Variants in DLG2 observed in about 807,000 individuals in gnomAD.
The protein encoded by DLG2 is discs large MAGUK scaffold protein 2.
A neutral mutation model predicts 132.5 loss-of-function variants in DLG2; 45 were observed. That is an observed-to-expected ratio of 0.34 (90% CI 0.27 to 0.44). The LOEUF (loss-of-function observed/expected upper bound fraction) is 0.44. Among genes scored for constraint, DLG2 ranks in the 20% least tolerant of loss-of-function variants. The pLI, the probability that DLG2 is intolerant of heterozygous loss-of-function variation, is 1.00. For synonymous variants in DLG2, 424 were observed against 419.6 expected, an observed-to-expected ratio of 1.01 and a Z score of -0.13; for missense variants, 1,045 against 1,196.9, an observed-to-expected ratio of 0.87 and a Z score of 1.87.
At chr11:85,162,279 G>A (rs1594958885) in intron 4 of DLG2, among the ~76,000 whole-genome samples, 2 of 152,152 alleles carry the variant, frequency 1.3e-5, no homozygotes, top group African/African-American at 4.8e-5. Flanking sequence ...TGTGATTAAG[G>A]TCAATGGGAA....
Position 85,450,022 on chromosome 11 carries a change from G to A in DLG2, c.40+148635C>T, listed in dbSNP as rs2092175533. ...CATGCCTGTAATCCCAGCTACTTGG[G>A]AGGCTGAGAAAGGAGAATCGCTTGA... On this transcript the variant is annotated intron_variant, in intron 3 of 27. Coordinates refer to ENST00000376104, the MANE Select transcript of DLG2 (RefSeq NM_001142699.3). Among the ~76,000 whole-genome samples, 3 of 152,082 alleles carry A rather than the reference G, an allele frequency of 2.0e-5. No homozygotes were observed. In the South Asian group the frequency reaches 6.2e-4, roughly 31 times the overall value.
At chr11:85,106,512 T>C (rs2071783850) in intron 6 of DLG2, among the ~76,000 whole-genome samples, 1 of 151,958 alleles carries the variant, frequency 6.6e-6, no homozygotes, top group Non-Finnish European at 1.5e-5. Context: ...GATTTACTAT[T>C]GGGTTATTGT....
chr11:85,339,001 T>A (rs1021436917), intron 3 of DLG2, among the ~76,000 whole-genome samples: 1 of 152,186 alleles, frequency 6.6e-6, no homozygotes, highest in African/African-American at 2.4e-5. Flanking sequence ...CATGTGTAAT[T>A]AATTTATCTG....
chr11:84,472,024 C>G (rs367741225), intron 7 of DLG2, among the ~76,000 whole-genome samples: 1 of 151,734 alleles, frequency 6.6e-6, no homozygotes, highest in African/African-American at 2.4e-5. Context: ...ATGACATTAC[C>G]CAAATTCCGG....
At chr11:84,139,370 G>A (rs2154235232) in intron 9 of DLG2, among the ~76,000 whole-genome samples, 1 of 152,184 alleles carries the variant, frequency 6.6e-6, no homozygotes, top group East Asian at 1.9e-4. Context: ...TTGCCAGAGG[G>A]AGGAAACCAT....
chr11:84,481,914 C>G (rs1449416519), intron 7 of DLG2, among the ~76,000 whole-genome samples: 2 of 152,178 alleles, frequency 1.3e-5, no homozygotes, highest in African/African-American at 4.8e-5. Flanking sequence ...GGGACTTCAA[C>G]AAACTCATCT....
At chr11:84,538,474 C>A (rs148179379) in intron 6 of DLG2, among the ~76,000 whole-genome samples, 327 of 152,300 alleles carry the variant, frequency 2.1e-3, no homozygotes, top group Non-Finnish European at 3.6e-3. Flanking sequence ...TCTCATACCT[C>A]ACGGTGAGAC....
chr11:84,111,024 C>T (rs1468474924), intron 9 of DLG2, among the ~76,000 whole-genome samples: 1 of 152,180 alleles, frequency 6.6e-6, no homozygotes, highest in Non-Finnish European at 1.5e-5. Flanking sequence ...CATTTTCCTC[C>T]TCTATATAAT....
intron 3 of DLG2, among the ~76,000 whole-genome samples, chr11:85,507,354 G>A (rs1269863372): frequency 6.6e-6 from 1 of 152,148 alleles, no homozygotes; most frequent in Non-Finnish European, 1.5e-5. Context: ...GGTACCAGTT[G>A]TTGCTTTCCA....
intron 6 of DLG2, among the ~76,000 whole-genome samples, chr11:85,093,115 A>G (rs2069088181): frequency 6.6e-6 from 1 of 152,158 alleles, no homozygotes; most frequent in Non-Finnish European, 1.5e-5. Flanking sequence ...CTCATTGTTC[A>G]AGGGTCAACT....
At chr11:85,607,203 C>T (rs756097206) in intron 2 of DLG2, among the ~76,000 whole-genome samples, 4 of 152,254 alleles carry the variant, frequency 2.6e-5, no homozygotes, top group South Asian at 4.1e-4. Flanking sequence ...CTAGCACAGC[C>T]GCCGGACTAA....
chr11:84,563,194 T>C (rs1285164512), intron 6 of DLG2, among the ~76,000 whole-genome samples: 1 of 152,122 alleles, frequency 6.6e-6, no homozygotes, highest in Admixed American at 6.6e-5. Flanking sequence ...GAAGGAAGAA[T>C]CCAGTTGGCA....
At chr11:84,844,387 T>C (rs1187306870) in intron 6 of DLG2, among the ~76,000 whole-genome samples, 1 of 151,774 alleles carries the variant, frequency 6.6e-6, no homozygotes, top group African/African-American at 2.4e-5. Flanking sequence ...ATGATTAGTA[T>C]TGGTAATCTC....
chr11:83,593,413 A>C (rs1443314576), intron 19 of DLG2, among the ~76,000 whole-genome samples: 1 of 151,838 alleles, frequency 6.6e-6, no homozygotes, highest in African/African-American at 2.4e-5. Flanking sequence ...CAAACACCGC[A>C]TATTCTCACT....
intron 3 of DLG2, among the ~76,000 whole-genome samples, chr11:85,591,753 G>A (rs541104597): frequency 6.6e-6 from 1 of 152,122 alleles, no homozygotes; most frequent in East Asian, 1.9e-4. Context: ...AAAAAAGAAG[G>A]AGAAAGCTGT....
At chr11:83,524,960 T>C (rs1348331595) in intron 21 of DLG2, among the ~76,000 whole-genome samples, 5 of 152,196 alleles carry the variant, frequency 3.3e-5, no homozygotes, top group African/African-American at 1.2e-4. Context: ...ATTTTGTATA[T>C]AAGGTTGCAG....
intron 19 of DLG2, among the ~76,000 whole-genome samples, chr11:83,559,154 T>A (rs1246540928): frequency 6.6e-6 from 1 of 151,782 alleles, no homozygotes; most frequent in Non-Finnish European, 1.5e-5. Context: ...GCATTAGAGG[T>A]TGAGGAAACA....
At chr11:84,350,278 G>A (rs2098557970) in intron 7 of DLG2, among the ~76,000 whole-genome samples, 1 of 151,828 alleles carries the variant, frequency 6.6e-6, no homozygotes, top group Admixed American at 6.6e-5. Flanking sequence ...TGTCCCAGGG[G>A]CTTCATGAAC....
At chr11:85,303,513 A>G (rs945168200) in intron 3 of DLG2, among the ~76,000 whole-genome samples, 3 of 152,204 alleles carry the variant, frequency 2.0e-5, no homozygotes, top group African/African-American at 4.8e-5. Flanking sequence ...ATACCCATGT[A>G]TGTTCCCCTT....
Sources: gnomAD v4.1 joint callset for allele counts (sites outside exome capture counted in the v4.1 genomes callset) on GRCh38, gnomAD v4.1.1 for gene constraint, MANE v1.5 for transcripts, NCBI Gene and HGNC (gene_info 2026-07-23, HGNC 2026-07-21) for gene names.